The following GALNT13 variants were observed in gnomAD, a reference collection of about 807,000 sequenced individuals.
GALNT13 encodes UDP-GalNAc:polypeptide N-acetylgalactosaminyltransferase 13.
In GALNT13, 28 loss-of-function variants were observed where a neutral mutation model predicts 64.2. The observed-to-expected ratio is 0.44, with a 90% CI of 0.32 to 0.60. GALNT13 has a LOEUF of 0.60. GALNT13 is among the 20% of genes least tolerant of loss of function. GALNT13 has a pLI of 0.05. For synonymous variants in GALNT13, 214 were observed against 224.6 expected, an observed-to-expected ratio of 0.95 and a Z score of 0.42; for missense variants, 577 against 669.8, an observed-to-expected ratio of 0.86 and a Z score of 1.53.
At chr2:154,063,763 G>A (rs2105372661) in intron 3 of GALNT13, among the ~76,000 whole-genome samples, 1 of 152,250 alleles carries the variant, frequency 6.6e-6, no homozygotes, top group South Asian at 2.1e-4. Flanking sequence ...AGTTTCAAAA[G>A]CAAGAGGTTT....
At chr2:154,339,785 A>G (rs72867893) in intron 9 of GALNT13, among the ~76,000 whole-genome samples, 6 of 152,124 alleles carry the variant, frequency 3.9e-5, no homozygotes, top group Non-Finnish European at 8.8e-5. Context: ...TTTGATAATC[A>G]ATTTTGGTTC....
chr2:153,880,234 T>C (rs1686687803), intron 1 of GALNT13, among the ~76,000 whole-genome samples: 1 of 152,258 alleles, frequency 6.6e-6, no homozygotes, highest in East Asian at 1.9e-4. Context: ...TTGTATAAGA[T>C]GGAATATTTG....
chr2:154,425,875 T>C (rs1700446203), intron 11 of GALNT13, among the ~76,000 whole-genome samples: 1 of 152,162 alleles, frequency 6.6e-6, no homozygotes, highest in Non-Finnish European at 1.5e-5. Context: ...TAGAGATGGG[T>C]CATGGGAGAT....
chr2:154,208,725 A>G (rs1375233142), intron 4 of GALNT13, among the ~76,000 whole-genome samples: 2 of 151,248 alleles, frequency 1.3e-5, no homozygotes, highest in Non-Finnish European at 2.9e-5. Context: ...GATAAGGATC[A>G]TATACTTTTA....
At chr2:154,366,837 G>A (rs1351896757) in intron 9 of GALNT13, among the ~76,000 whole-genome samples, 1 of 152,100 alleles carries the variant, frequency 6.6e-6, no homozygotes, top group East Asian at 1.9e-4. Context: ...GTTTCAATCA[G>A]GTGATCTCAA....
rs1451111614 is a variant in GALNT13 at position 154,452,096 on chromosome 2, A to G, written c.*1545A>G. ...GCCACTGGTATTCCTTCCTCTTTTG[A>G]CTTTTTATTGGTACAACTGTAGGGA... is the stretch of plus-strand genomic sequence containing the variant. On this transcript the variant is annotated 3_prime_UTR_variant, in exon 13 of 13. Coordinates refer to ENST00000392825, the MANE Select transcript of GALNT13 (RefSeq NM_052917.4). 6.6e-6 allele frequency: 1 copy of G among 152,044 alleles called. No individual in the cohort carries two copies. Among genetic ancestry groups the G allele is most frequent in the African/African-American group, 2.4e-5 (1 of 41,414 alleles). The allele number at this position is 152,044 out of a possible 1,614,324, so 9.4% of individuals were successfully genotyped here.
At chr2:153,478,656 C>T in the GALNT13 span, 1 of 1,075,500 alleles carries the variant, frequency 9.3e-7, no homozygotes, top group South Asian at 1.6e-5. Flanking sequence ...TGAGCGCTCA[C>T]TCGCAGACTA....
At chr2:153,709,668 A>G in the GALNT13 span, among the ~76,000 whole-genome samples, 1 of 152,062 alleles carries the variant, frequency 6.6e-6, no homozygotes, top group African/African-American at 2.4e-5. Flanking sequence ...TGAAATAAAT[A>G]TGTCAAAGAG....
intron 4 of GALNT13, among the ~76,000 whole-genome samples, chr2:154,143,966 A>G (rs1001036353): frequency 2.0e-5 from 3 of 152,050 alleles, no homozygotes; most frequent in Non-Finnish European, 4.4e-5. Flanking sequence ...AGTAAGTCTT[A>G]AACTGTGGAG....
chr2:153,408,654 TTTTG>T, the GALNT13 span, among the ~76,000 whole-genome samples: 1 of 150,198 alleles, frequency 6.7e-6, no homozygotes, highest in African/African-American at 2.4e-5. Flanking sequence ...TGTTTTTTGT[TTTTG>T]TTTTTGTTTT....
At chr2:153,866,289 C>A in the GALNT13 span, among the ~76,000 whole-genome samples, 11 of 86,720 alleles carry the variant, frequency 1.3e-4, no homozygotes, top group African/African-American at 4.1e-4. Flanking sequence ...TGTGCACATG[C>A]ACCCTAAAAC....
the GALNT13 span, among the ~76,000 whole-genome samples, chr2:153,341,827 G>A: frequency 6.6e-6 from 1 of 152,114 alleles, no homozygotes; most frequent in Non-Finnish European, 1.5e-5. Context: ...TATTTTTTAG[G>A]AGCTGAACTT....
At chr2:154,281,280 T>G (rs1421556488) in intron 8 of GALNT13, among the ~76,000 whole-genome samples, 9 of 152,208 alleles carry the variant, frequency 5.9e-5, no homozygotes, top group Admixed American at 3.9e-4. Context: ...CTTACATTTT[T>G]TATTTCTTGC....
At chr2:153,606,392 T>G in the GALNT13 span, among the ~76,000 whole-genome samples, 4,270 of 152,136 alleles carry the variant, frequency 0.028, 158 homozygotes, top group African/African-American at 0.088. Context: ...AAACAAAGAT[T>G]GTCCAATCTG....
chr2:153,101,968 T>C, the GALNT13 span, among the ~76,000 whole-genome samples: 1 of 152,264 alleles, frequency 6.6e-6, no homozygotes, highest in African/African-American at 2.4e-5. Context: ...TTTCAACATA[T>C]AGATAATGCA....
At chr2:153,313,728 GT>G in the GALNT13 span, among the ~76,000 whole-genome samples, 3 of 152,240 alleles carry the variant, frequency 2.0e-5, no homozygotes, top group East Asian at 5.8e-4. Flanking sequence ...TTAAAGGATT[GT>G]TTTTGCTTAA....
At chr2:154,181,094 G>A (rs571353326) in intron 4 of GALNT13, among the ~76,000 whole-genome samples, 1 of 152,182 alleles carries the variant, frequency 6.6e-6, no homozygotes, top group African/African-American at 2.4e-5. Flanking sequence ...TGCAGATTTT[G>A]GTATCCACTG....
chr2:154,151,988 T>G (rs948593405), intron 4 of GALNT13, among the ~76,000 whole-genome samples: 3 of 152,164 alleles, frequency 2.0e-5, no homozygotes, highest in African/African-American at 2.4e-5. Context: ...GTTAGCTGGT[T>G]ATTTTGCTCG....
At chr2:153,648,394 A>C in the GALNT13 span, among the ~76,000 whole-genome samples, 2 of 152,144 alleles carry the variant, frequency 1.3e-5, no homozygotes, top group African/African-American at 4.8e-5. Flanking sequence ...CTGAATATAC[A>C]ATCATGTCAT....
Sources: gnomAD v4.1 joint callset for allele counts (sites outside exome capture counted in the v4.1 genomes callset) on GRCh38, gnomAD v4.1.1 for gene constraint, MANE v1.5 for transcripts, NCBI Gene and HGNC (gene_info 2026-07-23, HGNC 2026-07-21) for gene names.